The following CAMK2D variants were observed in gnomAD, a reference collection of about 807,000 sequenced individuals.
CAMK2D encodes calcium/calmodulin dependent protein kinase II delta, also known as calcium/calmodulin-dependent protein kinase type II subunit delta.
Under a neutral mutation model 84.0 loss-of-function variants are expected in CAMK2D, and 37 were observed. The ratio of observed to expected loss-of-function variants is 0.44; its 90% CI spans 0.34 to 0.58. The LOEUF (loss-of-function observed/expected upper bound fraction) is 0.58, where lower values mean the gene tolerates loss of function less well. Ranked by LOEUF, CAMK2D falls within the 20% of genes least tolerant of loss-of-function variation. The pLI is 0.02. For synonymous variants in CAMK2D, 202 were observed against 212.5 expected (o/e 0.95, Z 0.43); for missense variants, 448 against 652.5 (o/e 0.69, Z 3.41).
intron 3 of CAMK2D, among the ~76,000 whole-genome samples, chr4:113,620,158 T>C (rs1680741458): frequency 6.6e-6 from 1 of 152,112 alleles, no homozygotes; most frequent in Non-Finnish European, 1.5e-5. Context: ...AGGTGTTAAC[T>C]ATGGTCTTAT....
At chr4:113,549,350 G>C (rs1591073433) in intron 5 of CAMK2D, among the ~76,000 whole-genome samples, 2 of 152,314 alleles carry the variant, frequency 1.3e-5, no homozygotes, top group East Asian at 3.9e-4. Flanking sequence ...CCTCTTTAGT[G>C]TAAGAATACT....
rs541259567 is a variant in CAMK2D at position 113,625,880 on chromosome 4, A to T, written c.221-16674T>A. ...GAAACACAGAAACATGCATGTAAAA[A>T]GTCAGGTGATGTAATCCCAGCCACT... is the stretch of plus-strand genomic sequence containing the variant. On this transcript the variant is annotated intron_variant, in intron 3 of 20. Coordinates refer to ENST00000511664, the MANE Select transcript of CAMK2D (RefSeq NM_001321571.2). 2.0e-5 allele frequency among the ~76,000 whole-genome samples: 3 copies of T among 152,024 alleles called. No homozygotes were observed. The East Asian group carries it at 5.8e-4, about 29-fold the overall frequency.
At chr4:113,738,432 T>C (rs1054412870) in intron 2 of CAMK2D, among the ~76,000 whole-genome samples, 2 of 152,186 alleles carry the variant, frequency 1.3e-5, no homozygotes, top group East Asian at 1.9e-4. Context: ...GGAGAAAGAA[T>C]GTGTGGGAAA....
At chr4:113,718,722 C>T (rs149190697) in intron 2 of CAMK2D, among the ~76,000 whole-genome samples, 1 of 152,300 alleles carries the variant, frequency 6.6e-6, no homozygotes, top group African/African-American at 2.4e-5. Context: ...GTTAGTTCGG[C>T]CTATGCCCAG....
intron 16 of CAMK2D, 94 bp downstream of exon 16, chr4:113,500,369 C>T: frequency 1.6e-6 from 1 of 637,706 alleles, no homozygotes. Flanking sequence ...GATAGGCCTA[C>T]TTCCTAAACT....
At position 113,503,102 on chromosome 4, in the gene CAMK2D, T is replaced by G. The variant is rs1296357964; in HGVS notation, c.1045-125A>C. ...ATAGTGACAAGAGCTAAAGCGATGT[T>G]AACTGCTGTCAGAGTTGCAGCTGAC... On this transcript the variant is annotated intron_variant, in intron 14 of 20. Transcript: ENST00000511664. 4 of 771,522 alleles carry G rather than the reference T, an allele frequency of 5.2e-6. No homozygotes were observed. The African/African-American group carries it at 6.8e-5, about 13-fold the overall frequency. 47.8% of individuals were successfully genotyped at this position (771,522 alleles called of 1,614,324 possible). A position where few individuals can be genotyped will look rare whatever the true frequency, so the allele number is the denominator to read the frequency against.
At chr4:113,496,772 G>GTAAC (rs1257474227) in intron 16 of CAMK2D, among the ~76,000 whole-genome samples, 8 of 151,984 alleles carry the variant, frequency 5.3e-5, no homozygotes, top group African/African-American at 1.9e-4. Context: ...TAAACTATTA[G>GTAAC]TAACTCTCCA....
At chr4:113,701,226 T>C (rs2099416544) in intron 2 of CAMK2D, among the ~76,000 whole-genome samples, 1 of 152,228 alleles carries the variant, frequency 6.6e-6, no homozygotes, top group South Asian at 2.1e-4. Flanking sequence ...ATTTCAAACG[T>C]AGACACTGTG....
chr4:113,513,799 T>C (rs933708164), intron 11 of CAMK2D, 31 bp downstream of exon 11: 9 of 1,000,216 alleles, frequency 9.0e-6, no homozygotes, highest in Non-Finnish European at 1.4e-5. Context: ...CTGTCAAATC[T>C]ACCTCCCCAT....
chr4:113,559,971 C>G (rs1238497940), intron 4 of CAMK2D, among the ~76,000 whole-genome samples: 1 of 152,180 alleles, frequency 6.6e-6, no homozygotes. Flanking sequence ...TTTCCAGGTT[C>G]TGGAACATTG....
At chr4:113,494,469 G>A (rs2097897002) in intron 16 of CAMK2D, among the ~76,000 whole-genome samples, 1 of 152,168 alleles carries the variant, frequency 6.6e-6, no homozygotes, top group Non-Finnish European at 1.5e-5. Flanking sequence ...AGGGGTCAGG[G>A]ACCCACTTGA....
At chr4:113,671,540 C>G (rs1283743169) in intron 2 of CAMK2D, among the ~76,000 whole-genome samples, 4 of 152,234 alleles carry the variant, frequency 2.6e-5, no homozygotes, top group Admixed American at 1.3e-4. Context: ...TCGCACTTCT[C>G]TTTGTGTTGG....
intron 6 of CAMK2D, among the ~76,000 whole-genome samples, chr4:113,541,353 T>C (rs1452772882): frequency 1.3e-5 from 2 of 152,230 alleles, no homozygotes; most frequent in Admixed American, 6.5e-5. Context: ...ATTCAGCAGA[T>C]GTTTTTAGAA....
At chr4:113,671,679 T>A (rs1479542858) in intron 2 of CAMK2D, among the ~76,000 whole-genome samples, 1 of 152,184 alleles carries the variant, frequency 6.6e-6, no homozygotes, top group Non-Finnish European at 1.5e-5. Flanking sequence ...TATGTTGAGG[T>A]ATGTTATTGC....
chr4:113,714,493 G>A (rs1322258499), intron 2 of CAMK2D, among the ~76,000 whole-genome samples: 3 of 151,952 alleles, frequency 2.0e-5, no homozygotes, highest in Admixed American at 2.0e-4. Context: ...TGATCATTTT[G>A]AGCTAAAGGC....
chr4:113,637,015 C>A (rs1401804373), intron 3 of CAMK2D, among the ~76,000 whole-genome samples: 1 of 152,308 alleles, frequency 6.6e-6, no homozygotes, highest in African/African-American at 2.4e-5. Flanking sequence ...ATCTCACTAC[C>A]CCTTAGAGGC....
chr4:113,645,039 C>T (rs1443985394), intron 3 of CAMK2D, among the ~76,000 whole-genome samples: 4 of 152,210 alleles, frequency 2.6e-5, no homozygotes, highest in Admixed American at 1.3e-4. Context: ...TTTTTTGAGA[C>T]GGACTCTCGC....
At chr4:113,706,952 T>C (rs1020098503) in intron 2 of CAMK2D, among the ~76,000 whole-genome samples, 2 of 152,158 alleles carry the variant, frequency 1.3e-5, no homozygotes, top group Admixed American at 6.6e-5. Flanking sequence ...ATATCCTTCA[T>C]ACTTATGCAA....
chr4:113,477,812 C>G (rs542638891), intron 16 of CAMK2D, among the ~76,000 whole-genome samples: 1 of 150,934 alleles, frequency 6.6e-6, no homozygotes, highest in Non-Finnish European at 1.5e-5. Context: ...CTTAGTTTAA[C>G]CAATGCAACT....
Sources: allele counts gnomAD v4.1 joint callset (sites outside exome capture counted in the v4.1 genomes callset), GRCh38; gene constraint gnomAD v4.1.1; transcripts MANE v1.5; gene names NCBI Gene and HGNC (gene_info 2026-07-23, HGNC 2026-07-21).